Variants in GABRR3 observed in about 807,000 individuals in gnomAD.
The protein encoded by GABRR3 is gamma-aminobutyric acid receptor subunit rho-3.
A neutral mutation model predicts 43.2 loss-of-function variants in GABRR3; 29 were observed. The ratio of observed to expected loss-of-function variants is 0.67; its 90% confidence interval spans 0.50 to 0.92. GABRR3 has a LOEUF of 0.92. Ranked by LOEUF, GABRR3 falls within the 40% of genes least tolerant of loss-of-function variation. The pLI, the probability that GABRR3 is intolerant of heterozygous loss-of-function variation, is 0.00. For synonymous variants in GABRR3, 206 were observed against 195.9 expected (o/e 1.05, Z -0.43); for missense variants, 576 against 572.3 (o/e 1.01, Z -0.07).
intron 8 of GABRR3, chr3:97,999,658 G>A (rs995952509): frequency 2.0e-5 from 3 of 152,134 alleles, no homozygotes; most frequent in South Asian, 4.1e-4. Context: ...GGAGAGTATT[G>A]AAAGCTAATG....
At position 97,992,793 on chromosome 3, in the gene GABRR3, G is replaced by T. The variant is rs895086224; in HGVS notation, c.1104+59C>A. 2.1e-6 allele frequency: 3 copies of T among 1,460,408 alleles called. No individual in the cohort carries two copies. The African/African-American group carries it at 4.2e-5, about 21-fold the overall frequency. The allele number at this position is 1,460,408 out of a possible 1,614,324, so 90.5% of individuals were successfully genotyped here. A position where few individuals can be genotyped will look rare whatever the true frequency, so the allele number is the denominator to read the frequency against. ...ACAACACTGTCAAGAGAGGGCAATA[G>T]ATAAGGGTAGTCTTTTCCACATTCC... On this transcript the variant is annotated intron_variant, in intron 9 of 9. Coordinates refer to ENST00000621172, the Ensembl canonical transcript of GABRR3.
chr3:98,009,980 A>T (rs1349028208), intron 5 of GABRR3, among the ~76,000 whole-genome samples: 1 of 152,216 alleles, frequency 6.6e-6, no homozygotes, highest in Non-Finnish European at 1.5e-5. Context: ...CAAAGAGGCT[A>T]GGTGGCTAGG....
chr3:97,990,348 CT>C (rs777800508), intron 9 of GABRR3, among the ~76,000 whole-genome samples: 616 of 141,180 alleles, frequency 4.4e-3, no homozygotes, highest in African/African-American at 4.2e-3. Context: ...AAGACTTCTT[CT>C]TTTTTTTTTT....
rs150952843 is a variant in GABRR3 at position 98,021,108 on chromosome 3, G to A, written c.239-3386C>T. On this transcript the variant is annotated intron_variant, in intron 3 of 9. Coordinates refer to ENST00000621172, the Ensembl canonical transcript of GABRR3. ...TCGAACTCCTGACCTCAAATGATCC[G>A]CCTGCTTCGGCCTCCCAAAGTGCTG... Among the ~76,000 whole-genome samples, 438 of 151,718 alleles carry A rather than the reference G, an allele frequency of 2.9e-3. 11 individuals carry two copies. In the East Asian group the frequency reaches 0.049, roughly 17 times the overall value.
chr3:98,024,366 C>CAAAAAAAAAAA (rs35090836), intron 3 of GABRR3, among the ~76,000 whole-genome samples: 1 of 42,464 alleles, frequency 2.4e-5, no homozygotes, highest in Non-Finnish European at 5.1e-5. Context: ...GACTCCGTCT[C>CAAAAAAAAAAA]AAAAAAAAAA....
At chr3:98,012,213 CT>C in intron 5 of GABRR3, 130 bp downstream of exon 5, 1 of 675,774 alleles carries the variant, frequency 1.5e-6, no homozygotes, top group East Asian at 2.7e-5. Context: ...ACATCTTATG[CT>C]TGTGTCCCAA....
At chr3:97,996,338 T>G (rs957670836) in intron 8 of GABRR3, among the ~76,000 whole-genome samples, 1 of 152,178 alleles carries the variant, frequency 6.6e-6, no homozygotes, top group Admixed American at 6.5e-5. Flanking sequence ...GACCAGAAAC[T>G]GACAACCATT....
chr3:97,996,973 T>C (rs185776861), intron 8 of GABRR3, among the ~76,000 whole-genome samples: 1 of 152,270 alleles, frequency 6.6e-6, no homozygotes, highest in East Asian at 1.9e-4. Flanking sequence ...AACTACGTAC[T>C]GAATATGAAC....
chr3:97,988,199 C>G (rs904430639), intron 9 of GABRR3, among the ~76,000 whole-genome samples: 4 of 151,790 alleles, frequency 2.6e-5, no homozygotes, highest in African/African-American at 4.8e-5. Flanking sequence ...TGTCGGGCAC[C>G]CCCTACAGAA....
chr3:97,989,724 C>T (rs978460547), intron 9 of GABRR3, among the ~76,000 whole-genome samples: 2 of 152,016 alleles, frequency 1.3e-5, no homozygotes, highest in African/African-American at 2.4e-5. Flanking sequence ...GCATTGGTGT[C>T]CAGGTCTTTT....
chr3:98,013,128 G>T (rs1431110728), intron 4 of GABRR3, among the ~76,000 whole-genome samples: 1 of 152,198 alleles, frequency 6.6e-6, no homozygotes, highest in Non-Finnish European at 1.5e-5. Context: ...CTCAGCTTGA[G>T]AGATAGAAAG....
intron 3 of GABRR3, among the ~76,000 whole-genome samples, chr3:98,025,312 A>G (rs1468745058): frequency 6.6e-6 from 1 of 152,204 alleles, no homozygotes; most frequent in Non-Finnish European, 1.5e-5. Flanking sequence ...TGTATAGGCA[A>G]CATATATCCA....
At chr3:98,024,931 A>C (rs1576050114) in intron 3 of GABRR3, among the ~76,000 whole-genome samples, 1 of 152,328 alleles carries the variant, frequency 6.6e-6, no homozygotes, top group Non-Finnish European at 1.5e-5. Context: ...CATCTTCTTT[A>C]CCTGCCATCG....
At position 98,007,752 on chromosome 3, in the gene GABRR3, A is replaced by C; in HGVS notation, c.754+12T>G. On this transcript the variant is annotated intron_variant, in intron 7 of 9. Transcript: ENST00000621172. Reference sequence around the variant, plus strand: ...ATAAATGCTGATGAATCACCCATGTAAAATGCTGTACCTGTGCTGCTATAG... The same window carrying C: ...ATAAATGCTGATGAATCACCCATGTCAAATGCTGTACCTGTGCTGCTATAG... 1 of 1,613,226 alleles carries C rather than the reference A, an allele frequency of 6.2e-7. No homozygotes were observed. Among genetic ancestry groups the C allele is most frequent in the Non-Finnish European group, 8.5e-7 (1 of 1,179,600 alleles).
chr3:98,017,454 T>C (rs1226278137), intron 4 of GABRR3, among the ~76,000 whole-genome samples: 1 of 151,624 alleles, frequency 6.6e-6, no homozygotes, highest in African/African-American at 2.4e-5. Context: ...AATAGAAGAG[T>C]AGAAAAGGAA....
intron 3 of GABRR3, among the ~76,000 whole-genome samples, chr3:98,021,189 C>T (rs1706941548): frequency 1.3e-5 from 2 of 152,040 alleles, no homozygotes; most frequent in Admixed American, 1.3e-4. Context: ...GTTTGAGCTC[C>T]ATGTCCCACT....
chr3:98,034,895 G>A, exon 2 of GABRR3: 1 of 1,613,148 alleles, frequency 6.2e-7, no homozygotes, highest in Non-Finnish European at 8.5e-7. Flanking sequence ...AGCACCGCTG[G>A]TGTGTCATCT....
At chr3:97,991,857 CTT>C (rs939861666) in intron 9 of GABRR3, among the ~76,000 whole-genome samples, 5 of 150,268 alleles carry the variant, frequency 3.3e-5, no homozygotes, top group African/African-American at 1.2e-4. Context: ...TAAAAAAAAA[CTT>C]AAACCAATAT....
chr3:97,999,175 A>G (rs1315373146), intron 8 of GABRR3: 1 of 152,158 alleles, frequency 6.6e-6, no homozygotes, highest in African/African-American at 2.4e-5. Context: ...CAACAGTATA[A>G]TGTGAATTAG....
Sources: allele counts gnomAD v4.1 joint callset (sites outside exome capture counted in the v4.1 genomes callset), GRCh38; gene constraint gnomAD v4.1.1; transcripts MANE v1.5; gene names NCBI Gene and HGNC (gene_info 2026-07-23, HGNC 2026-07-21).